CNTN1: variants seen among roughly 807,000 people sequenced by gnomAD.
The protein encoded by CNTN1 is contactin 1.
In CNTN1, 38 loss-of-function variants were observed where a neutral mutation model predicts 126.4. That is an observed-to-expected ratio of 0.30 (90% CI 0.23 to 0.39). The LOEUF is 0.39. CNTN1 is among the 10% of genes least tolerant of loss of function. CNTN1 has a pLI of 1.00. For synonymous variants in CNTN1, 413 were observed against 422.6 expected, an observed-to-expected ratio of 0.98 and a Z score of 0.28; for missense variants, 1,009 against 1,248.4, an observed-to-expected ratio of 0.81 and a Z score of 2.89.
At chr12:40,870,747 C>A (rs948272527) in intron 1 of CNTN1, among the ~76,000 whole-genome samples, 1 of 151,938 alleles carries the variant, frequency 6.6e-6, no homozygotes, top group Non-Finnish European at 1.5e-5. Context: ...GACACATGCA[C>A]GCACACACAC....
chr12:40,756,681 T>C lies in CNTN1; in HGVS notation c.-77+64089T>C, dbSNP rs766093449. On this transcript the variant is annotated intron_variant, in intron 1 of 23. Transcript: ENST00000551295. ...CTTTCCCCTAGATCTTGCAAATAGT[T>C]TGCTCCTCTTTATTAATTAGTTCTT... 3.0e-4 allele frequency among the ~76,000 whole-genome samples: 45 copies of C among 152,092 alleles called. 1 individual carries two copies. Among genetic ancestry groups the C allele is most frequent in the Non-Finnish European group, 5.9e-4 (40 of 68,024 alleles).
chr12:40,837,714 T>C (rs1478226683), intron 1 of CNTN1, among the ~76,000 whole-genome samples: 1 of 152,292 alleles, frequency 6.6e-6, no homozygotes, highest in East Asian at 1.9e-4. Context: ...CCGAGAATGT[T>C]CCTACAGCCA....
intron 17 of CNTN1, among the ~76,000 whole-genome samples, chr12:41,013,696 T>C (rs150670570): frequency 2.6e-4 from 40 of 152,214 alleles, no homozygotes; most frequent in African/African-American, 8.9e-4. Flanking sequence ...CAAGATGATA[T>C]AAGAGAACGG....
chr12:40,918,866 C>T, intron 4 of CNTN1, 95 bp downstream of exon 4: 2 of 1,458,144 alleles, frequency 1.4e-6, no homozygotes, highest in Non-Finnish European at 1.9e-6. Flanking sequence ...ATAGTGCTTT[C>T]TGCAAATTCC....
chr12:40,979,420 C>G (rs890484015), intron 15 of CNTN1, among the ~76,000 whole-genome samples: 1 of 151,682 alleles, frequency 6.6e-6, no homozygotes, highest in South Asian at 2.1e-4. Flanking sequence ...GCTAAGCAAC[C>G]CAACTGATAT....
intron 1 of CNTN1, among the ~76,000 whole-genome samples, chr12:40,894,996 T>A (rs1172208694): frequency 6.6e-6 from 1 of 152,184 alleles, no homozygotes; most frequent in Non-Finnish European, 1.5e-5. Context: ...TAAATTTCCA[T>A]ATAAAAGGGT....
chr12:40,823,078 A>C (rs1941502961), intron 1 of CNTN1, among the ~76,000 whole-genome samples: 1 of 152,222 alleles, frequency 6.6e-6, no homozygotes, highest in Non-Finnish European at 1.5e-5. Context: ...ATGTATACAC[A>C]CAAACATATC....
At chr12:40,720,947 A>G (rs1256315730) in intron 1 of CNTN1, among the ~76,000 whole-genome samples, 1 of 144,022 alleles carries the variant, frequency 6.9e-6, no homozygotes, top group Non-Finnish European at 1.6e-5. Flanking sequence ...ACAAAAAAAG[A>G]GAAATATATA....
At chr12:40,886,607 A>G (rs188187865) in intron 1 of CNTN1, among the ~76,000 whole-genome samples, 17 of 152,176 alleles carry the variant, frequency 1.1e-4, no homozygotes, top group African/African-American at 3.9e-4. Context: ...TTCTGTTGCC[A>G]TTGCTTTTGG....
intron 1 of CNTN1, among the ~76,000 whole-genome samples, chr12:40,826,838 A>G (rs1941628365): frequency 6.6e-6 from 1 of 152,166 alleles, no homozygotes; most frequent in African/African-American, 2.4e-5. Flanking sequence ...ACAAATGATC[A>G]GGTGGAATGA....
chr12:40,865,321 T>C (rs966268852), intron 1 of CNTN1, among the ~76,000 whole-genome samples: 1 of 152,166 alleles, frequency 6.6e-6, no homozygotes, highest in Admixed American at 6.6e-5. Context: ...CTTGATGATA[T>C]ACTTTGATGC....
chr12:40,898,899 G>A (rs993437105), intron 1 of CNTN1, among the ~76,000 whole-genome samples: 16 of 152,178 alleles, frequency 1.1e-4, no homozygotes, highest in African/African-American at 3.9e-4. Flanking sequence ...CAGCAGCCTC[G>A]AGCATCATAA....
chr12:40,742,121 G>A (rs1035296057), intron 1 of CNTN1, among the ~76,000 whole-genome samples: 4 of 151,902 alleles, frequency 2.6e-5, no homozygotes, highest in Admixed American at 6.6e-5. Flanking sequence ...GTGGGATTTT[G>A]GCCTAAAGTA....
chr12:40,944,298 AG>A, intron 14 of CNTN1, 128 bp downstream of exon 14: 1 of 849,736 alleles, frequency 1.2e-6, no homozygotes, highest in East Asian at 2.7e-5. Context: ...CAGGCAAAAA[AG>A]CTTTCTGTGG....
chr12:40,953,631 A>G (rs996954480), intron 14 of CNTN1, among the ~76,000 whole-genome samples: 3 of 152,196 alleles, frequency 2.0e-5, no homozygotes, highest in Non-Finnish European at 2.9e-5. Flanking sequence ...TATCGATAAA[A>G]GAGTTAATTT....
At chr12:40,841,165 C>T (rs1178407526) in intron 1 of CNTN1, among the ~76,000 whole-genome samples, 1 of 151,742 alleles carries the variant, frequency 6.6e-6, no homozygotes, top group Admixed American at 6.6e-5. Context: ...ACTATTATGA[C>T]CAACTATACA....
intron 1 of CNTN1, among the ~76,000 whole-genome samples, chr12:40,794,834 T>G (rs1596522): frequency 0.71 from 107,996 of 151,866 alleles, 38,481 homozygotes; most frequent in Middle Eastern, 0.77. Context: ...AATTAGAAGA[T>G]AAGATTTGAG....
chr12:40,824,792 C>T (rs1464941950), intron 1 of CNTN1, among the ~76,000 whole-genome samples: 1 of 152,084 alleles, frequency 6.6e-6, no homozygotes. Flanking sequence ...CACCCCTTCC[C>T]TCAATGAATC....
chr12:40,743,717 T>C (rs377197673), intron 1 of CNTN1, among the ~76,000 whole-genome samples: 97 of 152,234 alleles, frequency 6.4e-4, no homozygotes, highest in African/African-American at 2.3e-3. Flanking sequence ...ATTGCAAAAA[T>C]ATTCTCCCAT....
Sources: allele counts gnomAD v4.1 joint callset (sites outside exome capture counted in the v4.1 genomes callset), GRCh38; gene constraint gnomAD v4.1.1; transcripts MANE v1.5; gene names NCBI Gene and HGNC (gene_info 2026-07-23, HGNC 2026-07-21).